Variants in MKX observed in about 807,000 individuals in gnomAD.
MKX encodes the protein mohawk homeobox, also known as homeobox protein Mohawk.
In MKX, 13 loss-of-function variants were observed where a neutral mutation model predicts 36.0. The ratio of observed to expected loss-of-function variants is 0.36; its 90% confidence interval spans 0.24 to 0.57. The LOEUF (loss-of-function observed/expected upper bound fraction) is 0.57, where lower values mean the gene tolerates loss of function less well. MKX is among the 20% of genes least tolerant of loss of function. The probability of loss-of-function intolerance (pLI) is 0.79; values close to 1 mark genes in which losing one functional copy is unlikely to be tolerated. For missense variants in MKX, 458 were observed against 456.4 expected, an observed-to-expected ratio of 1.00 and a Z score of -0.03; for synonymous variants, 176 against 178.3, an observed-to-expected ratio of 0.99 and a Z score of 0.10.
At chr10:27,709,268 T>C (rs183558475) in intron 5 of MKX, among the ~76,000 whole-genome samples, 12 of 152,300 alleles carry the variant, frequency 7.9e-5, no homozygotes, top group Admixed American at 7.8e-4. Context: ...ATAGCAACTA[T>C]TTCCATAGCA....
At chr10:27,737,930 A>T (rs1304212117) in intron 3 of MKX, among the ~76,000 whole-genome samples, 1 of 152,152 alleles carries the variant, frequency 6.6e-6, no homozygotes, top group African/African-American at 2.4e-5. Flanking sequence ...AAAAAGTAAT[A>T]CACTACCCTT....
intron 5 of MKX, 76 bp downstream of exon 5, chr10:27,734,380 A>T: frequency 7.6e-7 from 1 of 1,314,460 alleles, no homozygotes; most frequent in Admixed American, 2.0e-5. Context: ...ACCTGTTAAA[A>T]TAAATCCCTC....
At chr10:27,718,112 G>C (rs933298550) in intron 5 of MKX, among the ~76,000 whole-genome samples, 1 of 152,122 alleles carries the variant, frequency 6.6e-6, no homozygotes, top group South Asian at 2.1e-4. Flanking sequence ...GGACATAGAA[G>C]TATGGTGAAA....
chr10:27,728,744 A>G (rs540290300), intron 5 of MKX, among the ~76,000 whole-genome samples: 2 of 152,350 alleles, frequency 1.3e-5, no homozygotes, highest in African/African-American at 4.8e-5. Context: ...TACTACTGAT[A>G]CCAGCTTAAA....
At chr10:27,726,493 T>A (rs1017542429) in intron 5 of MKX, among the ~76,000 whole-genome samples, 1 of 152,182 alleles carries the variant, frequency 6.6e-6, no homozygotes, top group Admixed American at 6.5e-5. Flanking sequence ...CTTAGTGAAG[T>A]CAAATTTGTA....
intron 5 of MKX, among the ~76,000 whole-genome samples, chr10:27,710,156 G>C (rs1836826639): frequency 6.6e-6 from 1 of 152,168 alleles, no homozygotes; most frequent in Non-Finnish European, 1.5e-5. Context: ...TCTGTGGGCT[G>C]TTCCTTAAAT....
At chr10:27,683,298 T>C (rs1469984277) in intron 5 of MKX, among the ~76,000 whole-genome samples, 4 of 152,248 alleles carry the variant, frequency 2.6e-5, no homozygotes, top group African/African-American at 4.8e-5. Flanking sequence ...TACCATTGGT[T>C]CCGATTGCCT....
intron 5 of MKX, among the ~76,000 whole-genome samples, chr10:27,712,294 AG>A (rs1335358578): frequency 6.6e-6 from 1 of 152,224 alleles, no homozygotes; most frequent in Non-Finnish European, 1.5e-5. Context: ...AATTATAAAC[AG>A]GTGTGCATGA....
chr10:27,683,589 C>T (rs1836293119), intron 5 of MKX, among the ~76,000 whole-genome samples: 2 of 152,216 alleles, frequency 1.3e-5, no homozygotes, highest in South Asian at 4.1e-4. Context: ...TGATCCAAAG[C>T]AAGTCAGAGC....
In MKX at chr10:27,719,159, G is replaced by T. The variant is rs116845171; in HGVS notation, c.838+15297C>A. Among the ~76,000 whole-genome samples the T allele has an allele frequency of 4.7e-3, 708 of 152,158 alleles. 17 individuals are homozygous for T. The East Asian group carries it at 0.065, about 14-fold the overall frequency. On this transcript the variant is annotated intron_variant, in intron 5 of 6. Coordinates refer to ENST00000419761, the MANE Select transcript of MKX (RefSeq NM_173576.3). ...TAATGGGGCTCAAAAACAATAAAAG[G>T]TACCATTGCCAAGTCAGAAAAGTTG...
At position 27,727,249 on chromosome 10, in the gene MKX, C is replaced by T. The variant is rs568611266; in HGVS notation, c.838+7207G>A. Among the ~76,000 whole-genome samples the T allele has an allele frequency of 2.6e-5, 4 of 152,204 alleles. No homozygotes were observed. In the East Asian group the frequency reaches 7.7e-4, roughly 29 times the overall value. ...TTATAAGCTATATAGTATGATAGTG[C>T]GAGTCTCAGCATCTATCTACACGTA... is the stretch of plus-strand genomic sequence containing the variant. On this transcript the variant is annotated intron_variant, in intron 5 of 6. Transcript: ENST00000419761.
chr10:27,703,180 C>A (rs1836690588), intron 5 of MKX, among the ~76,000 whole-genome samples: 1 of 152,138 alleles, frequency 6.6e-6, no homozygotes, highest in Non-Finnish European at 1.5e-5. Context: ...AGAGCATTCT[C>A]TGTAGGAGGA....
chr10:27,676,745 C>T (rs910485917), intron 5 of MKX, among the ~76,000 whole-genome samples: 8 of 152,096 alleles, frequency 5.3e-5, no homozygotes, highest in Admixed American at 3.9e-4. Flanking sequence ...AAATGAGTAA[C>T]GGACCCAATG....
intron 5 of MKX, among the ~76,000 whole-genome samples, chr10:27,727,155 C>T (rs1360272352): frequency 6.6e-6 from 1 of 152,206 alleles, no homozygotes; most frequent in African/African-American, 2.4e-5. Context: ...ACAAAAATGT[C>T]AGAAGCAAAC....
At chr10:27,735,800 A>G (rs1395943957) in intron 3 of MKX, among the ~76,000 whole-genome samples, 2 of 152,190 alleles carry the variant, frequency 1.3e-5, no homozygotes, top group Non-Finnish European at 2.9e-5. Flanking sequence ...AAAGTCCAGA[A>G]TAGGTCAGGT....
At position 27,735,352 on chromosome 10, in the gene MKX, G is replaced by C; in HGVS notation, c.371C>G (p.Ala124Gly). The C allele has an allele frequency of 6.2e-7, 1 of 1,612,256 alleles. No homozygotes were observed. Among genetic ancestry groups the C allele is most frequent in the Non-Finnish European group, 8.5e-7 (1 of 1,179,516 alleles). Reference protein sequence around the residue: ...LVQVSNWFANARRRLKNTVRQ... With the variant: ...LVQVSNWFANGRRRLKNTVRQ... ...AACGGTATTCTTAAGCCGACGTCTT[G>C]CATTAGCAAACCAATTTGACACCTA... The change falls in exon 4 of 7, where the codon GCA becomes GGA. Residue 124 changes from alanine (A) to glycine (G), a missense_variant. Coordinates refer to ENST00000419761, the MANE Select transcript of MKX (RefSeq NM_173576.3).
chr10:27,717,610 G>T (rs756134924), intron 5 of MKX, among the ~76,000 whole-genome samples: 7 of 152,212 alleles, frequency 4.6e-5, no homozygotes, highest in Non-Finnish European at 7.3e-5. Context: ...TCTCCAACAG[G>T]ATATACAGAA....
chr10:27,692,955 C>T (rs1281870516), intron 5 of MKX, among the ~76,000 whole-genome samples: 6 of 152,198 alleles, frequency 3.9e-5, no homozygotes, highest in East Asian at 1.9e-4. Flanking sequence ...TCAACCAAAA[C>T]GACTGAGGCA....
intron 5 of MKX, among the ~76,000 whole-genome samples, chr10:27,689,422 G>A (rs1446989992): frequency 6.6e-6 from 1 of 152,136 alleles, no homozygotes; most frequent in East Asian, 1.9e-4. Context: ...TGGCATGTCG[G>A]TGTTCTGGGT....
Sources: allele counts gnomAD v4.1 joint callset (sites outside exome capture counted in the v4.1 genomes callset), GRCh38; gene constraint gnomAD v4.1.1; transcripts MANE v1.5; gene names NCBI Gene and HGNC (gene_info 2026-07-23, HGNC 2026-07-21).